The following MEGF11 variants were observed in gnomAD, a reference collection of about 807,000 sequenced individuals.
MEGF11 encodes the protein multiple EGF like domains 11.
MEGF11 carries 126 observed loss-of-function variants against 146.6 expected under a neutral mutation model. That is an observed-to-expected ratio of 0.86 (90% CI 0.74 to 1.00). The LOEUF is 1.00. Among genes scored for constraint, MEGF11 ranks in the 50% least tolerant of loss-of-function variants. MEGF11 has a pLI of 0.00. For missense variants in MEGF11, 1,509 were observed against 1,521.2 expected, an observed-to-expected ratio of 0.99 and a Z score of 0.13; for synonymous variants, 532 against 583.4, an observed-to-expected ratio of 0.91 and a Z score of 1.27.
At chr15:66,065,344 A>G (rs577285563) in intron 5 of MEGF11, among the ~76,000 whole-genome samples, 1 of 152,194 alleles carries the variant, frequency 6.6e-6, no homozygotes, top group East Asian at 1.9e-4. Flanking sequence ...GAGCAAATAA[A>G]AAACAAAGGG....
At chr15:66,102,751 T>A (rs2086879132) in intron 4 of MEGF11, among the ~76,000 whole-genome samples, 1 of 152,152 alleles carries the variant, frequency 6.6e-6, no homozygotes, top group South Asian at 2.1e-4. Context: ...CCTAAACATT[T>A]TCTTTAGGTA....
At chr15:65,918,684 C>T (rs1416298084) in intron 15 of MEGF11, among the ~76,000 whole-genome samples, 1 of 152,256 alleles carries the variant, frequency 6.6e-6, no homozygotes, top group Non-Finnish European at 1.5e-5. Flanking sequence ...CCTGAGTTCA[C>T]AAGGCCCTCT....
At chr15:65,914,106 C>T in intron 19 of MEGF11, 133 bp from the exon 20 acceptor site, 1 of 662,374 alleles carries the variant, frequency 1.5e-6, no homozygotes, top group Non-Finnish European at 2.6e-6. Context: ...ATTCCTGAGT[C>T]CCTATGTGAC....
intron 1 of MEGF11, among the ~76,000 whole-genome samples, chr15:66,212,018 G>A (rs1257100406): frequency 0.04 from 2 of 50 alleles, no homozygotes; most frequent in African/African-American, 0.083. Context: ...TGAGAGCAAG[G>A]GGGACTGTGA....
At chr15:66,078,730 G>A (rs1247438082) in intron 5 of MEGF11, among the ~76,000 whole-genome samples, 6 of 152,178 alleles carry the variant, frequency 3.9e-5, no homozygotes, top group Non-Finnish European at 5.9e-5. Context: ...GTATCCGCCC[G>A]GTTGCCAGCA....
chr15:65,991,734 C>T (rs966089473), intron 5 of MEGF11, among the ~76,000 whole-genome samples: 8 of 152,226 alleles, frequency 5.3e-5, no homozygotes, highest in African/African-American at 1.7e-4. Context: ...CCACATTTTA[C>T]AGGTCAGGAA....
In MEGF11 at chr15:65,916,895, C is replaced by T. The variant is rs200147856; in HGVS notation, c.2148G>A (p.Ala716=). 193 of 1,583,230 alleles carry T rather than the reference C, an allele frequency of 1.2e-4. No individual in the cohort carries two copies. In the East Asian group the frequency reaches 2.8e-3, roughly 23 times the overall value. Residue 716 remains alanine, a synonymous_variant, in exon 17 of 26, where the codon GCG becomes GCA. Coordinates refer to ENST00000395614, the MANE Select transcript of MEGF11 (RefSeq NM_001385028.1). ...AGGCCCCGTCCTCGGCGCTGCAGCT[C>T]GCCCCGTTGTGGCAGCTGCATGCGT... ...CFHACSCHNG[A]SCSAEDGACH... is the part of the protein sequence containing the mutation.
At chr15:65,966,153 G>C (rs943383689) in intron 8 of MEGF11, among the ~76,000 whole-genome samples, 1 of 152,028 alleles carries the variant, frequency 6.6e-6, no homozygotes, top group Admixed American at 6.6e-5. Flanking sequence ...GCACTGCCAC[G>C]CCCAACTAAT....
chr15:65,973,018 GA>G (rs2081342195), intron 7 of MEGF11, among the ~76,000 whole-genome samples: 2 of 151,998 alleles, frequency 1.3e-5, no homozygotes, highest in Admixed American at 1.3e-4. Flanking sequence ...TGGGGAGGCT[GA>G]GGCAGGAGAA....
intron 1 of MEGF11, among the ~76,000 whole-genome samples, chr15:66,147,130 T>C (rs2089402779): frequency 6.6e-6 from 1 of 152,102 alleles, no homozygotes; most frequent in Admixed American, 6.5e-5. Flanking sequence ...CTCAGGCATG[T>C]CACATGCTCC....
intron 9 of MEGF11, among the ~76,000 whole-genome samples, chr15:65,960,599 A>G (rs927407793): frequency 7.2e-5 from 11 of 152,358 alleles, no homozygotes; most frequent in South Asian, 4.1e-4. Flanking sequence ...GCTTGAACCT[A>G]GGAATGACCT....
intron 10 of MEGF11, among the ~76,000 whole-genome samples, chr15:65,941,294 T>C (rs2079982263): frequency 6.6e-6 from 1 of 152,068 alleles, no homozygotes; most frequent in Admixed American, 6.5e-5. Flanking sequence ...CAGGCATCTG[T>C]AATCCCAGCT....
intron 5 of MEGF11, among the ~76,000 whole-genome samples, chr15:66,038,718 C>G (rs1381613288): frequency 1.3e-5 from 2 of 152,070 alleles, no homozygotes; most frequent in Non-Finnish European, 2.9e-5. Flanking sequence ...CCAGGCTGAA[C>G]CCCGGTTCTG....
At chr15:65,933,934 G>T (rs2054026049) in intron 10 of MEGF11, among the ~76,000 whole-genome samples, 1 of 152,176 alleles carries the variant, frequency 6.6e-6, no homozygotes, top group Admixed American at 6.5e-5. Context: ...GTGCCTGATG[G>T]GTAGAAAGCA....
At chr15:66,055,617 A>G (rs576446113) in intron 5 of MEGF11, among the ~76,000 whole-genome samples, 2 of 152,330 alleles carry the variant, frequency 1.3e-5, no homozygotes, top group Admixed American at 6.5e-5. Context: ...GCTATTTATA[A>G]TGTTTGGTAA....
chr15:65,967,081 T>C (rs1567180848), intron 8 of MEGF11: 1 of 152,212 alleles, frequency 6.6e-6, no homozygotes, highest in Non-Finnish European at 1.5e-5. Context: ...CCTAAAGCTC[T>C]GACATCCTCT....
At chr15:66,245,773 T>C (rs1387770443) in intron 1 of MEGF11, among the ~76,000 whole-genome samples, 1 of 152,152 alleles carries the variant, frequency 6.6e-6, no homozygotes, top group Non-Finnish European at 1.5e-5. Context: ...CAGTAGAATT[T>C]ATAAAAACTA....
At chr15:65,984,179 A>G (rs977039960) in intron 5 of MEGF11, among the ~76,000 whole-genome samples, 1 of 152,176 alleles carries the variant, frequency 6.6e-6, no homozygotes, top group Non-Finnish European at 1.5e-5. Context: ...TATTACAGTG[A>G]GTAAAGCAAA....
intron 1 of MEGF11, among the ~76,000 whole-genome samples, chr15:66,141,231 GGGGT>G (rs1199642564): frequency 9.3e-6 from 1 of 107,236 alleles, no homozygotes; most frequent in Admixed American, 1.1e-4. Context: ...TGCAGACTCA[GGGGT>G]GTGTGTGTGT....
Sources: allele counts gnomAD v4.1 joint callset (sites outside exome capture counted in the v4.1 genomes callset), GRCh38; gene constraint gnomAD v4.1.1; transcripts MANE v1.5; gene names NCBI Gene and HGNC (gene_info 2026-07-23, HGNC 2026-07-21).